KCNH4: variants seen among roughly 807,000 people sequenced by gnomAD.
KCNH4 encodes potassium voltage-gated channel subfamily H member 4.
In KCNH4, 33 loss-of-function variants were observed where a neutral mutation model predicts 90.7. The ratio of observed to expected loss-of-function variants is 0.36; its 90% confidence interval spans 0.28 to 0.49. KCNH4 has a LOEUF of 0.49. Among genes scored for constraint, KCNH4 ranks in the 20% least tolerant of loss-of-function variants. The probability of loss-of-function intolerance (pLI) is 0.98; values close to 1 mark genes in which losing one functional copy is unlikely to be tolerated. For synonymous variants in KCNH4, 551 were observed against 581.7 expected, an observed-to-expected ratio of 0.95 and a Z score of 0.76; for missense variants, 1,044 against 1,387.1, an observed-to-expected ratio of 0.75 and a Z score of 3.93.
Position 42,169,594 on chromosome 17 carries a change from G to A in KCNH4, c.1473C>T (p.Arg491=), listed in dbSNP as rs748425974. The A allele has an allele frequency of 4.7e-5, 76 of 1,613,914 alleles. 1 individual carries two copies. The highest frequency in any genetic ancestry group is 6.2e-5 in the Non-Finnish European group (73 of 1,180,008). ...MYSRRSLYHS[R]MKDLKDFIRV... ...GGATGAAGTCCTTGAGGTCCTTCAT[G>A]CGGCTGTGGTAGAGCGAGCGGCGCG... The change falls in exon 9 of 17, where the codon CGC becomes CGT. Residue 491 remains arginine, a synonymous_variant. Coordinates refer to ENST00000264661, the MANE Select transcript of KCNH4 (RefSeq NM_012285.3).
Position 42,180,314 on chromosome 17 carries a change from A to G in KCNH4, c.76+556T>C, listed in dbSNP as rs905161922. On this transcript the variant is annotated intron_variant, in intron 1 of 16. Coordinates refer to ENST00000264661, the MANE Select transcript of KCNH4 (RefSeq NM_012285.3). This position sits in a 1 kb window ranked among gnomAD's most constrained non-coding sequence, Gnocchi z 4.7. The stretch of plus-strand genomic sequence containing the variant: ...GTCCAAGGTGCTGAACCTGAAACCC[A>G]AGCTACGTTGGGCGAGCTGGGAGTT... Among the ~76,000 whole-genome samples, 23 of 152,174 alleles carry G rather than the reference A, an allele frequency of 1.5e-4. 1 individual carries two copies. The highest frequency in any genetic ancestry group is 5.3e-4 in the African/African-American group (22 of 41,520).
At chr17:42,179,053 G>C (rs781621466) in intron 1 of KCNH4, 27 bp from the exon 2 acceptor site, 2 of 1,578,054 alleles carry the variant, frequency 1.3e-6, no homozygotes, top group South Asian at 2.2e-5. Flanking sequence ...TCAAGGTCAG[G>C]TCAAGGCTGG....
Position 42,163,724 on chromosome 17 carries a change from C to T in KCNH4, c.2359G>A (p.Ala787Thr), listed in dbSNP as rs1175332834. The T allele has an allele frequency of 1.3e-6, 2 of 1,525,512 alleles. No individual in the cohort carries two copies. Among genetic ancestry groups the T allele is most frequent in the South Asian group, 1.3e-5 (1 of 76,750 alleles). The allele number at this position is 1,525,512 out of a possible 1,614,324, so 94.5% of individuals were successfully genotyped here. Reference protein sequence around the residue: ...SLSPSLSPALAGQGHSASPHG... With the variant: ...SLSPSLSPALTGQGHSASPHG... Reference sequence around the variant, plus strand: ...GGGGAGGCACTGTGGCCCTGGCCAGCCAGGGCAGGGGACAGGGATGGGGAT... The same window carrying T: ...GGGGAGGCACTGTGGCCCTGGCCAGTCAGGGCAGGGGACAGGGATGGGGAT... Residue 787 changes from alanine (A) to threonine (T), a missense_variant, in exon 13 of 17, where the codon GCT (alanine) becomes ACT (threonine). Physicochemically the swap from Ala to Thr is moderately conservative, Grantham distance 58 (BLOSUM62 0). Transcript: ENST00000264661. This position sits in a 1 kb window ranked among gnomAD's most constrained non-coding sequence, Gnocchi z 5.4.
intron 7 of KCNH4, 58 bp downstream of exon 7, chr17:42,171,730 G>C: frequency 6.6e-7 from 1 of 1,517,558 alleles, no homozygotes; most frequent in Non-Finnish European, 9.2e-7. Context: ...GGAGGCATCA[G>C]CTTGGGGATG....
chr17:42,159,852 T>C lies in KCNH4; in HGVS notation c.*188A>G. 2.3e-6 allele frequency: 1 copy of C among 426,176 alleles called. No homozygotes were observed. Among genetic ancestry groups the C allele is most frequent in the South Asian group, 8.7e-5 (1 of 11,516 alleles). The allele number at this position is 426,176 out of a possible 1,614,324, so 26.4% of individuals were successfully genotyped here. On this transcript the variant is annotated 3_prime_UTR_variant, in exon 16 of 17. Coordinates refer to ENST00000264661, the MANE Select transcript of KCNH4 (RefSeq NM_012285.3). The stretch of plus-strand genomic sequence containing the variant: ...GTGGCTCCCCTCACAGAGGGGGAGG[T>C]TGGGGAAGGCTTGGAAAAGGGAATA...
At chr17:42,160,532 G>C (rs2079739143) in intron 15 of KCNH4, 97 bp from the exon 16 acceptor site, 1 of 1,285,586 alleles carries the variant, frequency 7.8e-7, no homozygotes, top group Non-Finnish European at 1.1e-6. Context: ...GCCACTTTCT[G>C]CTCATGGCCA....
Position 42,180,821 on chromosome 17 carries a change from T to C in KCNH4, c.76+49A>G, listed in dbSNP as rs1173941515. The C allele has an allele frequency of 1.9e-6, 3 of 1,570,604 alleles. No individual in the cohort carries two copies. Among genetic ancestry groups the C allele is most frequent in the African/African-American group, 2.7e-5 (2 of 73,784 alleles). ...AGGAGATCCGAGACGGCCCCGAGGA[T>C]ACTTGCCCCCCAGCTCGAACCTCAA... On this transcript the variant is annotated intron_variant, in intron 1 of 16. Transcript: ENST00000264661. This position sits in a 1 kb window ranked among gnomAD's most constrained non-coding sequence, Gnocchi z 4.7.
chr17:42,157,882 G>A (rs2079719620), intron 16 of KCNH4, among the ~76,000 whole-genome samples: 1 of 152,066 alleles, frequency 6.6e-6, no homozygotes, highest in Non-Finnish European at 1.5e-5. Context: ...TTCTGGAGTA[G>A]CTGGAACCAC....
rs1440116441 is a variant in KCNH4, at chr17:42,172,582, CTT to C, written c.988-589_988-588del. 1.0e-4 allele frequency among the ~76,000 whole-genome samples: 15 copies of C among 144,430 alleles called. 1 individual carries two copies. In the South Asian group the frequency reaches 1.8e-3, roughly 17 times the overall value. 94.8% of individuals were successfully genotyped at this position (144,430 alleles called of 152,430 possible). On this transcript the variant is annotated intron_variant, in intron 6 of 16. Coordinates refer to ENST00000264661, the MANE Select transcript of KCNH4 (RefSeq NM_012285.3). ...ACACACACACACACACACACACACACTTATACCTTTAGTTCAATTATCATCAT... is the reference window on the plus strand; with the variant it reads ...ACACACACACACACACACACACACACATACCTTTAGTTCAATTATCATCAT...
chr17:42,171,775 G>A lies in KCNH4; in HGVS notation c.1195+13C>T. The A allele has an allele frequency of 6.2e-7, 1 of 1,614,004 alleles. No homozygotes were observed. Among genetic ancestry groups the A allele is most frequent in the South Asian group, 1.1e-5 (1 of 91,082 alleles). ...GACAGGTGGTCTGTGAAAGTTTGGG[G>A]TCGGTGGCTCACCAATGTCCCAGAG... On this transcript the variant is annotated intron_variant, in intron 7 of 16. Transcript: ENST00000264661.
At position 42,163,995 on chromosome 17, in the gene KCNH4, T is replaced by C; in HGVS notation, c.2125-37A>G. The C allele has an allele frequency of 6.7e-7, 1 of 1,503,008 alleles. No individual in the cohort carries two copies. Among genetic ancestry groups the C allele is most frequent in the Non-Finnish European group, 8.9e-7 (1 of 1,119,270 alleles). 93.1% of individuals were successfully genotyped at this position (1,503,008 alleles called of 1,614,324 possible). A position where few individuals can be genotyped will look rare whatever the true frequency, so the allele number is the denominator to read the frequency against. On this transcript the variant is annotated intron_variant, in intron 12 of 16. Coordinates refer to ENST00000264661, the MANE Select transcript of KCNH4 (RefSeq NM_012285.3). The surrounding 1 kb of genome is among the most constrained non-coding windows in gnomAD (Gnocchi z 5.4). The stretch of plus-strand genomic sequence containing the variant: ...GGGGGCAGCTGATGTCGCAGGACAG[T>C]GAACAACAGACCCCTTCATTAAGTA...
rs765632506 is a variant in KCNH4 at position 42,171,790 on chromosome 17, A to G, written c.1193T>C (p.Ile398Thr). Residue 398 changes from isoleucine to threonine, a missense_variant and splice_region_variant, in exon 7 of 17, where the codon ATT becomes ACT. Physicochemically the swap from Ile to Thr is moderately conservative, Grantham distance 89 (BLOSUM62 -1). Around this residue, in one of 4 missense-constraint regions of KCNH4, gnomAD observed 318 missense variants for 479.6 expected, o/e 0.66. Transcript: ENST00000264661. ...AAAGTTTGGGGTCGGTGGCTCACCA[A>G]TGTCCCAGAGCAGCGGGTCATTGGC... ...MEANDPLLWD[I>T]GWLHELGKRL... is the part of the protein sequence containing the mutation. 8.7e-6 allele frequency: 14 copies of G among 1,613,964 alleles called. No individual in the cohort carries two copies. The highest frequency in any genetic ancestry group is 7.7e-5 in the South Asian group (7 of 91,090).
chr17:42,161,948 C>A (rs1476803491), intron 15 of KCNH4, among the ~76,000 whole-genome samples: 1 of 147,014 alleles, frequency 6.8e-6, no homozygotes, highest in Non-Finnish European at 1.5e-5. Context: ...GTGAATATCT[C>A]TCTCTTTTTT....
chr17:42,168,794 CAG>C (rs1199272152), intron 9 of KCNH4, among the ~76,000 whole-genome samples: 1 of 151,250 alleles, frequency 6.6e-6, no homozygotes. Context: ...ATTTTTGAGA[CAG>C]AGTCTCGCTC....
Position 42,178,136 on chromosome 17 carries a change from A to G in KCNH4, c.549T>C (p.Phe183=), listed in dbSNP as rs1309191005. Residue 183 remains phenylalanine (F), a synonymous_variant, in exon 4 of 17, where the codon TTT becomes TTC. Transcript: ENST00000264661. ...TCATGCCTCCCTGGCCCCGGCGGCC[A>G]AAGTGGCCGGTCAGTCGGTGTAGGA... ...RTVLHRLTGH[F]GRRGQGGMKA... 4 of 1,614,168 alleles carry G rather than the reference A, an allele frequency of 2.5e-6. No individual in the cohort carries two copies. Among genetic ancestry groups the G allele is most frequent in the East Asian group, 4.5e-5 (2 of 44,882 alleles).
rs1196343967 is a variant in KCNH4 at position 42,171,865 on chromosome 17, G to T, written c.1118C>A (p.Ala373Asp). The change falls in exon 7 of 17, where the codon GCC becomes GAC. Residue 373 changes from alanine to aspartate, a missense_variant. Coordinates refer to ENST00000264661, the MANE Select transcript of KCNH4 (RefSeq NM_012285.3). ...ATACCAGATGCAGGCCATCCAGTGG[G>T]CAAGGAGCGCAAAGACCGACATGAG... ...TLLMSVFALL[A>D]HWMACIWYVI... 3 of 1,614,172 alleles carry T rather than the reference G, an allele frequency of 1.9e-6. No homozygotes were observed.
Position 42,180,506 on chromosome 17 carries a change from C to T in KCNH4, c.76+364G>A, listed in dbSNP as rs1252155459. On this transcript the variant is annotated intron_variant, in intron 1 of 16. Coordinates refer to ENST00000264661, the MANE Select transcript of KCNH4 (RefSeq NM_012285.3). This position sits in a 1 kb window ranked among gnomAD's most constrained non-coding sequence, Gnocchi z 4.7. ...GGGAGCTGGAGTCTGTGAGTAGACC[C>T]CAGAATGCCCGGCCACTTTGCCCCA... Among the ~76,000 whole-genome samples, 1 of 152,024 alleles carries T rather than the reference C, an allele frequency of 6.6e-6. No homozygotes were observed. The highest frequency in any genetic ancestry group is 2.4e-5 in the African/African-American group (1 of 41,392).
At position 42,170,400 on chromosome 17, in the gene KCNH4, C is replaced by A. The variant is rs190019289; in HGVS notation, c.1196-99G>T. The A allele has an allele frequency of 3.5e-4, 339 of 958,676 alleles. 3 individuals carry two copies. The East Asian group carries it at 9.4e-3, about 26-fold the overall frequency. The allele number at this position is 958,676 out of a possible 1,614,324, so 59.4% of individuals were successfully genotyped here. ...GCTTGACCTTCGGCAAGTATTTATA[C>A]ACAGGTTGGCACAGGAAATGTGGGG... On this transcript the variant is annotated intron_variant, in intron 7 of 16. Transcript: ENST00000264661.
intron 6 of KCNH4, among the ~76,000 whole-genome samples, chr17:42,172,753 C>A (rs2079836533): frequency 2.6e-5 from 4 of 151,950 alleles, no homozygotes; most frequent in Admixed American, 2.6e-4. Context: ...TCTACAGCCA[C>A]TAAGCACTGG....
Sources: allele counts gnomAD v4.1 joint callset (sites outside exome capture counted in the v4.1 genomes callset), GRCh38; gene constraint gnomAD v4.1.1; regional missense constraint gnomAD v4.1.1; non-coding constraint Gnocchi (gnomAD v3.1); transcripts MANE v1.5; gene names NCBI Gene and HGNC (gene_info 2026-07-23, HGNC 2026-07-21).